NDUFAF6: variants seen among roughly 807,000 people sequenced by gnomAD.
NDUFAF6 encodes NADH dehydrogenase (ubiquinone) complex I, assembly factor 6.
In NDUFAF6, 45 loss-of-function variants were observed where a neutral mutation model predicts 40.8. The ratio of observed to expected loss-of-function variants is 1.10; its 90% confidence interval spans 0.87 to 1.42. NDUFAF6 has a LOEUF of 1.42. Ranked by LOEUF, NDUFAF6 falls within the 40% of genes most tolerant of loss-of-function variation. The pLI is 0.00. For synonymous variants in NDUFAF6, 185 were observed against 155.9 expected, an observed-to-expected ratio of 1.19 and a Z score of -1.39; for missense variants, 435 against 418.5, an observed-to-expected ratio of 1.04 and a Z score of -0.34.
chr8:94,942,578 A>G (rs949033213), intron 1 of NDUFAF6, among the ~76,000 whole-genome samples: 1 of 152,228 alleles, frequency 6.6e-6, no homozygotes, highest in Non-Finnish European at 1.5e-5. Flanking sequence ...CAGGTCAACT[A>G]TTATTCTACA....
intron 2 of NDUFAF6, among the ~76,000 whole-genome samples, chr8:94,986,033 C>T (rs1000797382): frequency 1.3e-5 from 2 of 151,904 alleles, no homozygotes; most frequent in African/African-American, 4.8e-5. Context: ...GCCACCATGC[C>T]CGGCTAATTT....
chr8:95,109,783 G>T (rs1287692869), intron 4 of NDUFAF6, among the ~76,000 whole-genome samples: 1 of 152,064 alleles, frequency 6.6e-6, no homozygotes, highest in Admixed American at 6.6e-5. Flanking sequence ...ACTAGCCCCT[G>T]CCTGCTTTGC....
At chr8:95,006,557 C>T (rs114773964) in intron 2 of NDUFAF6, among the ~76,000 whole-genome samples, 1,826 of 152,086 alleles carry the variant, frequency 0.012, 35 homozygotes, top group African/African-American at 0.041. Context: ...TATAAGTTTA[C>T]CAAGGCAAGC....
chr8:94,996,824 A>G (rs1424642258), intron 2 of NDUFAF6, among the ~76,000 whole-genome samples: 3 of 152,206 alleles, frequency 2.0e-5, no homozygotes, highest in Non-Finnish European at 4.4e-5. Context: ...GTAGGACACC[A>G]ACAGGTACAG....
intron 7 of NDUFAF6, among the ~76,000 whole-genome samples, chr8:95,049,569 T>G (rs1422087112): frequency 1.3e-5 from 2 of 152,178 alleles, no homozygotes; most frequent in Non-Finnish European, 2.9e-5. Flanking sequence ...CTTGTGAACC[T>G]TTTCTTTTTT....
chr8:95,114,923 GT>G (rs1401170991), intron 4 of NDUFAF6, among the ~76,000 whole-genome samples: 1 of 152,146 alleles, frequency 6.6e-6, no homozygotes, highest in Non-Finnish European at 1.5e-5. Context: ...TTAGCCAGGC[GT>G]GGTGGCAGGT....
chr8:94,955,745 T>C (rs2131448820), upstream of NDUFAF6, among the ~76,000 whole-genome samples: 1 of 152,330 alleles, frequency 6.6e-6, no homozygotes, highest in East Asian at 1.9e-4. Context: ...CAGCAAAATA[T>C]CTTCATCTTC....
chr8:95,090,662 A>C (rs1587263298), intron 2 of NDUFAF6, among the ~76,000 whole-genome samples: 1 of 152,158 alleles, frequency 6.6e-6, no homozygotes, highest in African/African-American at 2.4e-5. Context: ...GTGTCAGTCA[A>C]CTTGATTGGA....
At chr8:94,959,092 G>A (rs958545761) in intron 1 of NDUFAF6, among the ~76,000 whole-genome samples, 3 of 152,062 alleles carry the variant, frequency 2.0e-5, no homozygotes, top group African/African-American at 7.2e-5. Flanking sequence ...GGTGATTGCG[G>A]TAGCAAAGCC....
At chr8:94,997,343 C>CACACACACACACACAGAG (rs1242904810) in intron 2 of NDUFAF6, among the ~76,000 whole-genome samples, 24 of 90,572 alleles carry the variant, frequency 2.6e-4, no homozygotes, top group African/African-American at 3.2e-4. Flanking sequence ...CACACACACA[C>CACACACACACACACAGAG]AGAGAGAGAG....
chr8:95,065,534 G>A (rs1832683223), intron 9 of NDUFAF6, among the ~76,000 whole-genome samples: 2 of 152,000 alleles, frequency 1.3e-5, no homozygotes, highest in Non-Finnish European at 2.9e-5. Flanking sequence ...TAGAAAAGAA[G>A]AGATTAGAAA....
At chr8:95,012,780 C>T (rs1226479986) in intron 2 of NDUFAF6, among the ~76,000 whole-genome samples, 2 of 151,994 alleles carry the variant, frequency 1.3e-5, no homozygotes, top group African/African-American at 4.8e-5. Context: ...GTTATGATCG[C>T]GCCACTGCAT....
chr8:94,944,433 C>A (rs1441524718), intron 1 of NDUFAF6, among the ~76,000 whole-genome samples: 1 of 152,212 alleles, frequency 6.6e-6, no homozygotes, highest in Non-Finnish European at 1.5e-5. Context: ...CAGCTTCTGC[C>A]TGGAATATAT....
chr8:95,041,185 A>G (rs1350611513), intron 3 of NDUFAF6, among the ~76,000 whole-genome samples: 1 of 152,214 alleles, frequency 6.6e-6, no homozygotes, highest in Non-Finnish European at 1.5e-5. Flanking sequence ...CAGAAGTTCA[A>G]GACCAGCAAC....
Position 95,095,198 on chromosome 8 carries a change from T to A in NDUFAF6, n.214-5934T>A, listed in dbSNP as rs939468387. The stretch of plus-strand genomic sequence containing the variant: ...TTGACCCATGGTTGTAGAGGATTCT[T>A]TCCCTCTCACAGGCAGGCATCTATG... On this transcript the variant is annotated intron_variant and non_coding_transcript_variant, in intron 2 of 5. Transcript: ENST00000523184. Among the ~76,000 whole-genome samples, 6 of 152,336 alleles carry A rather than the reference T, an allele frequency of 3.9e-5. No individual in the cohort carries two copies. In the South Asian group the frequency reaches 8.3e-4, roughly 21 times the overall value.
At chr8:94,976,429 G>A (rs899967530) in intron 1 of NDUFAF6, among the ~76,000 whole-genome samples, 22 of 150,600 alleles carry the variant, frequency 1.5e-4, no homozygotes, top group Non-Finnish European at 2.4e-4. Context: ...ACTTGAACCA[G>A]GAGGTGGAGG....
chr8:94,999,307 A>G (rs1440530219), intron 2 of NDUFAF6, among the ~76,000 whole-genome samples: 1 of 152,048 alleles, frequency 6.6e-6, no homozygotes, highest in Non-Finnish European at 1.5e-5. Context: ...TATTTTTAGT[A>G]GAGACGGGGT....
intron 2 of NDUFAF6, among the ~76,000 whole-genome samples, chr8:94,994,750 T>C (rs886511105): frequency 2.0e-5 from 3 of 152,198 alleles, no homozygotes; most frequent in Admixed American, 2.0e-4. Flanking sequence ...GGAGGATCAC[T>C]TGAGCTCAGG....
intron 2 of NDUFAF6, among the ~76,000 whole-genome samples, chr8:94,996,444 G>A (rs1469098332): frequency 6.6e-6 from 1 of 152,136 alleles, no homozygotes; most frequent in Non-Finnish European, 1.5e-5. Flanking sequence ...TGACATATAA[G>A]TATGAAAATG....
Sources: allele counts gnomAD v4.1 joint callset (sites outside exome capture counted in the v4.1 genomes callset), GRCh38; gene constraint gnomAD v4.1.1; transcripts MANE v1.5; gene names NCBI Gene and HGNC (gene_info 2026-07-23, HGNC 2026-07-21).